Variants in MAP3K5 observed in about 807,000 individuals in gnomAD.
MAP3K5 encodes mitogen-activated protein kinase kinase kinase 5, also known as ASK-1.
Under a neutral mutation model 158.7 loss-of-function variants are expected in MAP3K5, and 56 were observed. The observed-to-expected ratio is 0.35, with a 90% confidence interval of 0.28 to 0.44. The LOEUF (loss-of-function observed/expected upper bound fraction) is 0.44. MAP3K5 is among the 20% of genes least tolerant of loss of function. The probability of loss-of-function intolerance (pLI) is 1.00; values close to 1 mark genes in which losing one functional copy is unlikely to be tolerated. For synonymous variants in MAP3K5, 579 were observed against 601.7 expected (o/e 0.96, Z 0.55); for missense variants, 1,294 against 1,674.8 (o/e 0.77, Z 3.97).
chr6:136,662,574 C>T (rs943857195), intron 8 of MAP3K5, among the ~76,000 whole-genome samples: 10 of 151,068 alleles, frequency 6.6e-5, no homozygotes, highest in Non-Finnish European at 1.5e-4. Flanking sequence ...TCTCTCTCTT[C>T]CTCTCTCTTT....
At chr6:136,673,831 T>C (rs943729590) in intron 7 of MAP3K5, among the ~76,000 whole-genome samples, 4 of 151,700 alleles carry the variant, frequency 2.6e-5, no homozygotes, top group African/African-American at 7.3e-5. Context: ...AAAGAGAATA[T>C]GGAGCACAAG....
chr6:136,608,734 A>T (rs1044406942), intron 18 of MAP3K5, among the ~76,000 whole-genome samples: 1 of 152,200 alleles, frequency 6.6e-6, no homozygotes, highest in African/African-American at 2.4e-5. Context: ...AATGATACCT[A>T]ATGATTAAGG....
intron 1 of MAP3K5, among the ~76,000 whole-genome samples, chr6:136,757,899 T>C (rs1214197768): frequency 6.6e-6 from 1 of 152,152 alleles, no homozygotes; most frequent in African/African-American, 2.4e-5. Flanking sequence ...TTATAGATCT[T>C]AGAGGCTTCT....
At chr6:136,590,031 G>A (rs1775314935) in intron 23 of MAP3K5, among the ~76,000 whole-genome samples, 1 of 152,200 alleles carries the variant, frequency 6.6e-6, no homozygotes, top group African/African-American at 2.4e-5. Context: ...GGCTCATGAA[G>A]GGATTAATGC....
At chr6:136,587,709 T>A (rs967324234) in intron 23 of MAP3K5, among the ~76,000 whole-genome samples, 1 of 152,232 alleles carries the variant, frequency 6.6e-6, no homozygotes, top group Non-Finnish European at 1.5e-5. Context: ...CACCATCATG[T>A]GGCCATTATG....
chr6:136,620,596 G>A (rs1029107907), intron 15 of MAP3K5, among the ~76,000 whole-genome samples: 4 of 152,168 alleles, frequency 2.6e-5, no homozygotes, highest in South Asian at 4.1e-4. Context: ...GCCACAGAAC[G>A]TGGAGTCAAG....
intron 13 of MAP3K5, 132 bp downstream of exon 13, chr6:136,639,411 T>A: frequency 2.0e-6 from 1 of 508,286 alleles, no homozygotes. Context: ...AATTATAAAA[T>A]ATTAGCCCAA....
chr6:136,723,215 A>C (rs941781924), intron 1 of MAP3K5, among the ~76,000 whole-genome samples: 3 of 152,020 alleles, frequency 2.0e-5, no homozygotes, highest in African/African-American at 7.2e-5. Flanking sequence ...ATAATGATAT[A>C]TATGTATATA....
At chr6:136,578,097 T>G (rs1260634232) in intron 25 of MAP3K5, among the ~76,000 whole-genome samples, 2 of 152,206 alleles carry the variant, frequency 1.3e-5, no homozygotes, top group African/African-American at 2.4e-5. Flanking sequence ...TGATATACAC[T>G]ATTCCCCCTT....
intron 7 of MAP3K5, among the ~76,000 whole-genome samples, chr6:136,676,788 CTTTTCTT>C (rs1358870910): frequency 7.1e-6 from 1 of 141,522 alleles, no homozygotes; most frequent in Admixed American, 7.0e-5. Context: ...TTTTTCTTTT[CTTTTCTT>C]TTTTTTTTTT....
chr6:136,713,924 AG>A (rs1781416928), intron 2 of MAP3K5, among the ~76,000 whole-genome samples: 1 of 152,236 alleles, frequency 6.6e-6, no homozygotes, highest in East Asian at 1.9e-4. Context: ...ATATTTTCCA[AG>A]GATGTTTTTA....
chr6:136,775,585 T>A (rs147732933), intron 1 of MAP3K5, among the ~76,000 whole-genome samples: 1 of 152,192 alleles, frequency 6.6e-6, no homozygotes, highest in Non-Finnish European at 1.5e-5. Flanking sequence ...ACTCCCCTGA[T>A]AATAAACCAT....
At chr6:136,657,525 C>A (rs1202952218) in intron 9 of MAP3K5, among the ~76,000 whole-genome samples, 1 of 152,152 alleles carries the variant, frequency 6.6e-6, no homozygotes, top group Non-Finnish European at 1.5e-5. Flanking sequence ...TATTTCATAT[C>A]ATTTGCTGAA....
At chr6:136,562,455 G>C (rs1432095580) in intron 27 of MAP3K5, 48 bp downstream of exon 27, 2 of 954,834 alleles carry the variant, frequency 2.1e-6, no homozygotes, top group Non-Finnish European at 3.0e-6. Flanking sequence ...TTGGCTTTTT[G>C]TGGCAGCCTG....
At chr6:136,610,914 T>C (rs1776308092) in intron 18 of MAP3K5, among the ~76,000 whole-genome samples, 1 of 151,772 alleles carries the variant, frequency 6.6e-6, no homozygotes, top group African/African-American at 2.4e-5. Flanking sequence ...GAGACCAGCC[T>C]GGGCAACATG....
intron 25 of MAP3K5, chr6:136,579,794 T>G (rs1331837874): frequency 6.6e-6 from 3 of 456,282 alleles, no homozygotes; most frequent in African/African-American, 6.0e-5. Context: ...TAAACTGCTC[T>G]AAAAGACTAG....
chr6:136,625,159 G>A (rs1776976231), intron 14 of MAP3K5, among the ~76,000 whole-genome samples: 1 of 152,084 alleles, frequency 6.6e-6, no homozygotes, highest in South Asian at 2.1e-4. Flanking sequence ...TTTGGTAAAA[G>A]GTCAGATAGT....
At chr6:136,583,489 T>G in intron 24 of MAP3K5, 66 bp downstream of exon 24, 1 of 1,383,764 alleles carries the variant, frequency 7.2e-7, no homozygotes, top group Non-Finnish European at 9.8e-7. Flanking sequence ...ACAGAACTTA[T>G]GTTTTATCTT....
At chr6:136,702,192 A>C (rs1303563073) in intron 3 of MAP3K5, among the ~76,000 whole-genome samples, 1 of 150,942 alleles carries the variant, frequency 6.6e-6, no homozygotes, top group African/African-American at 2.4e-5. Context: ...TTTTTTTTTC[A>C]ATTTCCCATT....
Sources: allele counts gnomAD v4.1 joint callset (sites outside exome capture counted in the v4.1 genomes callset), GRCh38; gene constraint gnomAD v4.1.1; transcripts MANE v1.5; gene names NCBI Gene and HGNC (gene_info 2026-07-23, HGNC 2026-07-21).